Variants in CPNE4 observed in about 807,000 individuals in gnomAD.
CPNE4 encodes copine-4.
CPNE4 carries 25 observed loss-of-function variants against 67.9 expected under a neutral mutation model. That is an observed-to-expected ratio of 0.37 (90% CI 0.27 to 0.51). The LOEUF (loss-of-function observed/expected upper bound fraction) is 0.51, where lower values mean the gene tolerates loss of function less well. Among genes scored for constraint, CPNE4 ranks in the 20% least tolerant of loss-of-function variants. The pLI is 0.93. For missense variants in CPNE4, 464 were observed against 690.8 expected (o/e 0.67, Z 3.68); for synonymous variants, 242 against 244.9 (o/e 0.99, Z 0.11).
intron 1 of CPNE4, among the ~76,000 whole-genome samples, chr3:131,906,684 G>A (rs1457541357): frequency 6.6e-6 from 1 of 151,796 alleles, no homozygotes; most frequent in African/African-American, 2.4e-5. Context: ...CCAAGTCTTT[G>A]CTATCGTGAA....
intron 2 of CPNE4, among the ~76,000 whole-genome samples, chr3:131,821,977 C>T (rs760952463): frequency 1.3e-5 from 2 of 152,116 alleles, no homozygotes; most frequent in Non-Finnish European, 2.9e-5. Context: ...TGTTAAATAC[C>T]ACTTCCAGGA....
At chr3:131,635,600 T>C (rs2079357997) in intron 7 of CPNE4, among the ~76,000 whole-genome samples, 1 of 152,254 alleles carries the variant, frequency 6.6e-6, no homozygotes, top group South Asian at 2.1e-4. Flanking sequence ...ATAGCCCTAT[T>C]GGACTGTGCC....
chr3:131,553,327 C>G (rs980398343), intron 12 of CPNE4, among the ~76,000 whole-genome samples: 1 of 152,094 alleles, frequency 6.6e-6, no homozygotes, highest in African/African-American at 2.4e-5. Context: ...CGGTGATGCT[C>G]TCAGTGCTTA....
At chr3:131,768,365 T>G (rs2083078424) in intron 2 of CPNE4, among the ~76,000 whole-genome samples, 1 of 152,128 alleles carries the variant, frequency 6.6e-6, no homozygotes, top group East Asian at 1.9e-4. Context: ...CTATCGGCAA[T>G]GTAATATCCT....
chr3:131,644,179 G>A (rs113197607), intron 7 of CPNE4, among the ~76,000 whole-genome samples: 10 of 151,260 alleles, frequency 6.6e-5, no homozygotes, highest in Admixed American at 3.9e-4. Flanking sequence ...ATGGAGTCTC[G>A]CTCTGTCACC....
At chr3:131,587,147 C>T (rs74747691) in intron 8 of CPNE4, among the ~76,000 whole-genome samples, 8,342 of 152,202 alleles carry the variant, frequency 0.055, 325 homozygotes, top group Middle Eastern at 0.075. Flanking sequence ...GTACAATTAT[C>T]ACTCTTATAT....
chr3:131,717,938 C>CTTTCT (rs1461644771), intron 3 of CPNE4, among the ~76,000 whole-genome samples: 1 of 129,772 alleles, frequency 7.7e-6, no homozygotes, highest in African/African-American at 2.9e-5. Context: ...TTCTTTCTTT[C>CTTTCT]TTTCTTTTCT....
chr3:131,619,540 A>C (rs1940349943), intron 7 of CPNE4, among the ~76,000 whole-genome samples: 2 of 152,234 alleles, frequency 1.3e-5, no homozygotes. Flanking sequence ...TCAACTCTCC[A>C]ACCAATGAAC....
intron 3 of CPNE4, among the ~76,000 whole-genome samples, chr3:131,712,430 C>T (rs1383423291): frequency 6.6e-6 from 1 of 152,264 alleles, no homozygotes; most frequent in Non-Finnish European, 1.5e-5. Context: ...GACAGGTTAG[C>T]TTTTTAATGG....
intron 1 of CPNE4, among the ~76,000 whole-genome samples, chr3:131,924,062 A>G (rs951290842): frequency 3.3e-5 from 5 of 152,178 alleles, no homozygotes; most frequent in Non-Finnish European, 7.3e-5. Context: ...ACCTTGTGAT[A>G]GTGGCTACTT....
intron 2 of CPNE4, among the ~76,000 whole-genome samples, chr3:131,766,068 A>T (rs2083004308): frequency 6.6e-6 from 1 of 152,104 alleles, no homozygotes. Flanking sequence ...GCTCAGAGCT[A>T]GAGTCCTGGG....
At position 131,535,114 on chromosome 3, in the gene CPNE4, A is replaced by C; in HGVS notation, c.*81T>G. 3 of 1,382,660 alleles carry C rather than the reference A, an allele frequency of 2.2e-6. No individual in the cohort carries two copies. Among genetic ancestry groups the C allele is most frequent in the Non-Finnish European group, 2.9e-6 (3 of 1,029,418 alleles). The allele number at this position is 1,382,660 out of a possible 1,614,324, so 85.6% of individuals were successfully genotyped here. A position where few individuals can be genotyped will look rare whatever the true frequency, so the allele number is the denominator to read the frequency against. ...TGTGTATATGTTGTTGGTTTTTTAA[A>C]GTACAGGAGTAGTAGAAGTATTAAA... On this transcript the variant is annotated 3_prime_UTR_variant, in exon 16 of 16. Transcript: ENST00000429747.
chr3:131,677,610 A>G (rs937471844), intron 6 of CPNE4, among the ~76,000 whole-genome samples: 5 of 151,940 alleles, frequency 3.3e-5, no homozygotes, highest in Non-Finnish European at 7.4e-5. Flanking sequence ...ATTTTTCTTT[A>G]TGGTGTAAAG....
At chr3:131,656,732 A>G (rs183386059) in intron 7 of CPNE4, among the ~76,000 whole-genome samples, 1 of 152,332 alleles carries the variant, frequency 6.6e-6, no homozygotes, top group African/African-American at 2.4e-5. Flanking sequence ...AAACAAATAA[A>G]CAACGTAATC....
chr3:131,829,305 T>A (rs2085283529), intron 2 of CPNE4, among the ~76,000 whole-genome samples: 1 of 152,240 alleles, frequency 6.6e-6, no homozygotes, highest in Admixed American at 6.5e-5. Flanking sequence ...GTTAATGGTA[T>A]GTTTCTTGAG....
chr3:131,760,833 C>CAT (rs2082867806), intron 2 of CPNE4, among the ~76,000 whole-genome samples: 3 of 152,212 alleles, frequency 2.0e-5, no homozygotes, highest in Non-Finnish European at 4.4e-5. Context: ...AATGAGATGA[C>CAT]CAGTTCTATC....
At chr3:131,680,126 A>G (rs1455788374) in intron 6 of CPNE4, among the ~76,000 whole-genome samples, 3 of 152,178 alleles carry the variant, frequency 2.0e-5, no homozygotes. Flanking sequence ...GGGTGCATAC[A>G]TATTTAGGAT....
At chr3:131,620,987 T>A (rs1193018806) in intron 7 of CPNE4, among the ~76,000 whole-genome samples, 1 of 151,132 alleles carries the variant, frequency 6.6e-6, no homozygotes, top group Middle Eastern at 3.2e-3. Context: ...AACACCATCA[T>A]CAAGTGGTTT....
Position 131,958,971 on chromosome 3 carries a change from T to TAAGTTTCAATTATCC in CPNE4, c.-1-53528_-1-53527insGGATAATTGAAACTT, listed in dbSNP as rs1560682558. Among the ~76,000 whole-genome samples the TAAGTTTCAATTATCC allele has an allele frequency of 3.8e-3, 79 of 20,728 alleles. 1 individual carries two copies. Among genetic ancestry groups the TAAGTTTCAATTATCC allele is most frequent in the Non-Finnish European group, 4.7e-3 (51 of 10,894 alleles). The allele number at this position is 20,728 out of a possible 152,430, so 13.6% of individuals were successfully genotyped here. On this transcript the variant is annotated intron_variant, in intron 1 of 15. Transcript: ENST00000429747. ...CGGCTCCCGGCCTGATACACCTTTC[T>TAAGTTTCAATTATCC]TTTTTTTTTTTTTTTTTTTTTTTTT...
Sources: gnomAD v4.1 joint callset for allele counts (sites outside exome capture counted in the v4.1 genomes callset) on GRCh38, gnomAD v4.1.1 for gene constraint, MANE v1.5 for transcripts, NCBI Gene and HGNC (gene_info 2026-07-23, HGNC 2026-07-21) for gene names.